The following CELA3B variants were observed in gnomAD, a reference collection of about 807,000 sequenced individuals.
CELA3B encodes the protein chymotrypsin like elastase 3B.
A neutral mutation model predicts 37.2 loss-of-function variants in CELA3B; 34 were observed. The observed-to-expected ratio is 0.91, with a 90% CI of 0.70 to 1.22. The LOEUF is 1.22. CELA3B is among the 50% of genes most tolerant of loss of function. The probability of loss-of-function intolerance (pLI) is 0.00; values close to 1 mark genes in which losing one functional copy is unlikely to be tolerated. For missense variants in CELA3B, 340 were observed against 363.1 expected (o/e 0.94, Z 0.52); for synonymous variants, 127 against 143.5 (o/e 0.89, Z 0.82).
chr1:21,985,867 G>T (rs7521037), intron 6 of CELA3B, among the ~76,000 whole-genome samples: 5 of 151,440 alleles, frequency 3.3e-5, no homozygotes, highest in African/African-American at 9.7e-5. Context: ...CTCCAACCTG[G>T]GCGACAGAGC....
intron 7 of CELA3B, chr1:21,987,907 C>T (rs1307802285): frequency 6.6e-6 from 1 of 151,824 alleles, no homozygotes; most frequent in Non-Finnish European, 1.5e-5. Context: ...GTCATGAAGG[C>T]TTCCATTAAA....
At chr1:21,995,031 A>G (rs1193417748) in intron 4 of CELA3B, among the ~76,000 whole-genome samples, 1 of 144,774 alleles carries the variant, frequency 6.9e-6, no homozygotes, top group Non-Finnish European at 1.5e-5. Context: ...AAAAATCCTA[A>G]TTGTTTCACT....
At chr1:21,981,882 C>G (rs1405208190) in intron 4 of CELA3B, among the ~76,000 whole-genome samples, 2 of 152,034 alleles carry the variant, frequency 1.3e-5, no homozygotes, top group Non-Finnish European at 2.9e-5. Context: ...CCCGCCACCA[C>G]GCCTGGCTAA....
chr1:21,982,267 G>A (rs1055269746), intron 4 of CELA3B, among the ~76,000 whole-genome samples: 6 of 152,056 alleles, frequency 3.9e-5, no homozygotes, highest in African/African-American at 1.4e-4. Flanking sequence ...TTCTCAAAAT[G>A]TGGTACCTGG....
intron 2 of CELA3B, among the ~76,000 whole-genome samples, 179 bp downstream of exon 2, chr1:21,978,633 C>T (rs2152815319): frequency 1.3e-5 from 2 of 152,294 alleles, no homozygotes; most frequent in Middle Eastern, 6.8e-3. Flanking sequence ...CCGTCTGTAA[C>T]CCTCACTGGG....
At chr1:21,995,931 C>T (rs1644888260) in intron 4 of CELA3B, among the ~76,000 whole-genome samples, 1 of 149,472 alleles carries the variant, frequency 6.7e-6, no homozygotes, top group South Asian at 2.1e-4. Context: ...GCACGCCAGT[C>T]AGGCTGGGCG....
rs114677230 is a variant in CELA3B at position 21,983,977 on chromosome 1, A to C, written c.499+147A>C. Reference sequence around the variant, plus strand: ...GCAGCCTTCTCCCACCAACCTCCAAAACACGAATGTGGTCAATTGCACATG... The same window carrying C: ...GCAGCCTTCTCCCACCAACCTCCAACACACGAATGTGGTCAATTGCACATG... On this transcript the variant is annotated intron_variant, in intron 5 of 7. Transcript: ENST00000337107. 6.0e-4 allele frequency: 850 copies of C among 1,419,622 alleles called. 3 individuals are homozygous for C. The African/African-American group carries it at 9.5e-3, about 16-fold the overall frequency. 87.9% of individuals were successfully genotyped at this position (1,419,622 alleles called of 1,614,324 possible). A position where few individuals can be genotyped will look rare whatever the true frequency, so the allele number is the denominator to read the frequency against.
rs1311437189 is a variant in CELA3B, at chr1:21,979,306, A to G, written c.129+852A>G. The stretch of plus-strand genomic sequence containing the variant: ...AGGCCAGTCTGGAACTTGTGACCTC[A>G]GCTGATGCACCTGCCTCAGCCTGTC... On this transcript the variant is annotated intron_variant, in intron 2 of 7. Transcript: ENST00000337107. Among the ~76,000 whole-genome samples, 14 of 151,932 alleles carry G rather than the reference A, an allele frequency of 9.2e-5. No homozygotes were observed. The South Asian group carries it at 2.9e-3, about 32-fold the overall frequency.
downstream of CELA3B, among the ~76,000 whole-genome samples, chr1:21,993,245 G>C (rs1026189414): frequency 2.0e-5 from 3 of 151,456 alleles, no homozygotes; most frequent in African/African-American, 7.3e-5. Flanking sequence ...TGGGTCACTT[G>C]AGGTCAGGAG....
chr1:21,979,533 G>C (rs371727729), intron 2 of CELA3B, among the ~76,000 whole-genome samples: 1 of 143,092 alleles, frequency 7.0e-6, no homozygotes, highest in African/African-American at 2.6e-5. Flanking sequence ...GCTCACTGCA[G>C]CCTTGACCTC....
downstream of CELA3B, among the ~76,000 whole-genome samples, chr1:21,989,983 C>G (rs1317686996): frequency 6.6e-6 from 1 of 150,580 alleles, no homozygotes; most frequent in Admixed American, 6.6e-5. Context: ...GGGGAGGCCT[C>G]AGGAAACTTA....
At position 21,986,681 on chromosome 1, in the gene CELA3B, G is replaced by A; in HGVS notation, c.793G>A (p.Glu265Lys). 6.2e-6 allele frequency: 10 copies of A among 1,612,946 alleles called. No individual in the cohort carries two copies. The highest frequency in any genetic ancestry group is 8.5e-6 in the Non-Finnish European group (10 of 1,179,610). The change falls in exon 7 of 8, where the codon GAG (glutamate) becomes AAG (lysine). Residue 265 changes from glutamate to lysine, a missense_variant and splice_region_variant. Glu to Lys is a moderately conservative substitution (Grantham distance 56). Transcript: ENST00000337107. ...RVSAFIDWIE[E>K]TIASH Reference sequence around the variant, plus strand: ...CTCCGCCTTCATTGACTGGATTGAGGAGGTGAGGAGGGCAGGGCGGCCCGG... The same window carrying A: ...CTCCGCCTTCATTGACTGGATTGAGAAGGTGAGGAGGGCAGGGCGGCCCGG...
Position 21,982,995 on chromosome 1 carries a change from G to A in CELA3B, c.363-699G>A, listed in dbSNP as rs545607042. On this transcript the variant is annotated intron_variant, in intron 4 of 7. Transcript: ENST00000337107. ...CTGGGAGGGTTAAAGGGTCAAAGGA[G>A]CGGACAATTCTGAAGGCCAAGGGTC... 2.6e-5 allele frequency among the ~76,000 whole-genome samples: 4 copies of A among 152,310 alleles called. No homozygotes were observed. The South Asian group carries it at 6.2e-4, about 24-fold the overall frequency.
chr1:21,980,406 G>A (rs1444739165), intron 2 of CELA3B, among the ~76,000 whole-genome samples: 2 of 152,178 alleles, frequency 1.3e-5, no homozygotes, highest in African/African-American at 4.8e-5. Context: ...TTGAACCCGG[G>A]AGGCGGAGGT....
chr1:21,984,524 G>T (rs373146980), intron 6 of CELA3B, among the ~76,000 whole-genome samples, 193 bp downstream of exon 6: 2 of 152,008 alleles, frequency 1.3e-5, no homozygotes, highest in African/African-American at 4.8e-5. Context: ...CCGGGTTGCA[G>T]TCTCAGCTCA....
chr1:21,989,180 T>A (rs1165443891), intron 7 of CELA3B, 82 bp from the exon 8 acceptor site: 1 of 1,578,876 alleles, frequency 6.3e-7, no homozygotes, highest in Non-Finnish European at 8.7e-7. Context: ...ACAGCAGGGC[T>A]GGAAGTTGAA....
chr1:21,985,354 T>G (rs994153415), intron 6 of CELA3B, among the ~76,000 whole-genome samples: 11 of 150,490 alleles, frequency 7.3e-5, no homozygotes, highest in Non-Finnish European at 1.2e-4. Context: ...CACAGCCCAC[T>G]GTAGCCTTGC....
intron 6 of CELA3B, 50 bp downstream of exon 6, chr1:21,984,381 G>A: frequency 6.3e-7 from 1 of 1,585,932 alleles, no homozygotes; most frequent in Admixed American, 1.7e-5. Flanking sequence ...GCAGGACCTT[G>A]GAATGGGGCC....
In CELA3B at chr1:21,983,822, G is replaced by A. The variant is rs562385324; in HGVS notation, c.491G>A (p.Arg164His). The part of the protein sequence containing the change: ...ETPCYITGWG[R>H]LYTNGPLPDK... ...CCCTGCTACATCACCGGCTGGGGCC[G>A]TCTCTATAGTACGTGCTGACTTCTC... Residue 164 changes from arginine (R) to histidine (H), a missense_variant, in exon 5 of 8, where the codon CGT (arginine) becomes CAT (histidine). Coordinates refer to ENST00000337107, the MANE Select transcript of CELA3B (RefSeq NM_007352.4). 3.0e-5 allele frequency: 48 copies of A among 1,613,946 alleles called. No individual in the cohort carries two copies. The Admixed American group carries it at 3.0e-4, about 10-fold the overall frequency.
Sources: gnomAD v4.1 joint callset for allele counts (sites outside exome capture counted in the v4.1 genomes callset) on GRCh38, gnomAD v4.1.1 for gene constraint, MANE v1.5 for transcripts, NCBI Gene and HGNC (gene_info 2026-07-23, HGNC 2026-07-21) for gene names.